CELF5: variants seen among roughly 807,000 people sequenced by gnomAD.
The protein encoded by CELF5 is CUG-BP and ETR-3 like factor 5.
In CELF5, 6 loss-of-function variants were observed where a neutral mutation model predicts 54.9. The ratio of observed to expected loss-of-function variants is 0.11; its 90% confidence interval spans 0.06 to 0.22. The LOEUF is 0.22. Among genes scored for constraint, CELF5 ranks in the 10% least tolerant of loss-of-function variants. CELF5 has a pLI of 1.00. For missense variants in CELF5, 401 were observed against 678.6 expected, an observed-to-expected ratio of 0.59 and a Z score of 4.54; for synonymous variants, 271 against 290.9, an observed-to-expected ratio of 0.93 and a Z score of 0.70.
chr19:3,228,158 G>A lies in CELF5; in HGVS notation c.259+3160G>A, dbSNP rs1470249077. Among the ~76,000 whole-genome samples the A allele has an allele frequency of 6.6e-6, 1 of 151,792 alleles. No individual in the cohort carries two copies. The highest frequency in any genetic ancestry group is 1.5e-5 in the Non-Finnish European group (1 of 67,900). Reference sequence around the variant, plus strand: ...GACACAGAGAGAGAGAGAGAGACACGCAGGGAAAGAGAGACAGAGAGACCC... The same window carrying A: ...GACACAGAGAGAGAGAGAGAGACACACAGGGAAAGAGAGACAGAGAGACCC... On this transcript the variant is annotated intron_variant, in intron 1 of 12. Coordinates refer to ENST00000292672, the MANE Select transcript of CELF5 (RefSeq NM_021938.4). This position sits in a 1 kb window ranked among gnomAD's most constrained non-coding sequence, Gnocchi z 6.0.
At chr19:3,238,937 T>TA (rs1289941356) in intron 1 of CELF5, among the ~76,000 whole-genome samples, 1 of 151,912 alleles carries the variant, frequency 6.6e-6, no homozygotes, top group Non-Finnish European at 1.5e-5. Context: ...AAAATAAAAA[T>TA]AAAAAATAAA....
At chr19:3,270,981 C>T (rs2079953215) in intron 2 of CELF5, among the ~76,000 whole-genome samples, 1 of 151,602 alleles carries the variant, frequency 6.6e-6, no homozygotes, top group Non-Finnish European at 1.5e-5. Flanking sequence ...CGCGGCCGCC[C>T]CTCCCTCCCT....
intron 2 of CELF5, among the ~76,000 whole-genome samples, chr19:3,264,695 C>T (rs1442916611): frequency 1.3e-5 from 2 of 149,372 alleles, no homozygotes; most frequent in African/African-American, 2.5e-5. Flanking sequence ...GGATTACAGG[C>T]GTGAGCCACC....
At chr19:3,258,876 G>T (rs1016597663) in intron 2 of CELF5, among the ~76,000 whole-genome samples, 1 of 152,078 alleles carries the variant, frequency 6.6e-6, no homozygotes, top group African/African-American at 2.4e-5. Context: ...CTCCCAAAGC[G>T]CTGAGATTAC....
chr19:3,278,258 AGTCCCTGGCTGTG>A lies in CELF5; in HGVS notation c.603+157_603+169del. ...GGGGCACAGGTGGAGAAAGAGGCGC[AGTCCCTGGCTGTG>A]GTCCCTGGAGTGGGTATACACGTGT... On this transcript the variant is annotated intron_variant, in intron 5 of 12. Transcript: ENST00000292672. The surrounding 1 kb of genome is among the most constrained non-coding windows in gnomAD (Gnocchi z 4.5). The A allele has an allele frequency of 1.6e-6, 1 of 644,960 alleles. No homozygotes were observed. Among genetic ancestry groups the A allele is most frequent in the East Asian group, 2.7e-5 (1 of 36,438 alleles). The allele number at this position is 644,960 out of a possible 1,614,324, so 40.0% of individuals were successfully genotyped here. A position where few individuals can be genotyped will look rare whatever the true frequency, so the allele number is the denominator to read the frequency against.
chr19:3,226,678 G>A (rs1268859113), intron 1 of CELF5, among the ~76,000 whole-genome samples: 4 of 152,100 alleles, frequency 2.6e-5, no homozygotes, highest in African/African-American at 4.8e-5. Flanking sequence ...CCCCCCAAAC[G>A]GTTGCATTGA....
At chr19:3,264,696 G>A (rs113671738) in intron 2 of CELF5, among the ~76,000 whole-genome samples, 35,101 of 146,334 alleles carry the variant, frequency 0.24, 4,348 homozygotes, top group Middle Eastern at 0.34. Context: ...GATTACAGGC[G>A]TGAGCCACCA....
intron 1 of CELF5, among the ~76,000 whole-genome samples, chr19:3,235,992 A>G (rs1351183102): frequency 1.3e-5 from 2 of 152,178 alleles, no homozygotes; most frequent in East Asian, 3.9e-4. Context: ...CCTGGGCGAG[A>G]GATCTGGGGT....
Position 3,247,571 on chromosome 19 carries a change from A to G in CELF5, c.260-3414A>G, listed in dbSNP as rs1057010357. On this transcript the variant is annotated intron_variant, in intron 1 of 12. Coordinates refer to ENST00000292672, the MANE Select transcript of CELF5 (RefSeq NM_021938.4). Reference sequence around the variant, plus strand: ...GCCACTGCGCCCGGTCTCTCTTTCTATGTCTCGACCCAAGACATAGTGTGA... The same window carrying G: ...GCCACTGCGCCCGGTCTCTCTTTCTGTGTCTCGACCCAAGACATAGTGTGA... 6.7e-5 allele frequency among the ~76,000 whole-genome samples: 10 copies of G among 150,082 alleles called. 1 individual carries two copies. The South Asian group carries it at 1.9e-3, about 29-fold the overall frequency.
chr19:3,242,342 C>T (rs556738429), intron 1 of CELF5, among the ~76,000 whole-genome samples: 41 of 151,224 alleles, frequency 2.7e-4, no homozygotes, highest in Admixed American at 6.6e-4. Flanking sequence ...AAGACTAGCC[C>T]GGCCAACATG....
At chr19:3,230,673 G>T (rs1270500366) in intron 1 of CELF5, among the ~76,000 whole-genome samples, 1 of 152,202 alleles carries the variant, frequency 6.6e-6, no homozygotes, top group East Asian at 1.9e-4. Context: ...TGCATGGGAA[G>T]CGGGCTTCAC....
rs111427441 is a variant in CELF5 at position 3,231,447 on chromosome 19, CGGATGGATGGAT to C, written c.259+6484_259+6495del. Among the ~76,000 whole-genome samples the C allele has an allele frequency of 1.4e-3, 204 of 144,640 alleles. 3 individuals are homozygous for C. In the Middle Eastern group the frequency reaches 0.018, roughly 12 times the overall value. The allele number at this position is 144,640 out of a possible 152,430, so 94.9% of individuals were successfully genotyped here. A position where few individuals can be genotyped will look rare whatever the true frequency, so the allele number is the denominator to read the frequency against. On this transcript the variant is annotated intron_variant, in intron 1 of 12. Coordinates refer to ENST00000292672, the MANE Select transcript of CELF5 (RefSeq NM_021938.4). ...TTGAATGGATTGATGGATGGGTGAA[CGGATGGATGGAT>C]GGATGGATGGATGGATGGATGGATG... is the stretch of plus-strand genomic sequence containing the variant.
intron 2 of CELF5, among the ~76,000 whole-genome samples, chr19:3,257,484 A>AT (rs1568342932): frequency 6.8e-6 from 1 of 146,624 alleles, no homozygotes; most frequent in African/African-American, 2.7e-5. Flanking sequence ...TATTATTATT[A>AT]TTTTTTTTGA....
intron 10 of CELF5, among the ~76,000 whole-genome samples, chr19:3,287,093 A>T (rs570543372): frequency 6.6e-6 from 1 of 152,040 alleles, no homozygotes; most frequent in African/African-American, 2.4e-5. Flanking sequence ...TAACAACCCA[A>T]GTGTTCATCA....
At chr19:3,264,515 ACGC>A (rs2079853505) in intron 2 of CELF5, among the ~76,000 whole-genome samples, 2 of 150,916 alleles carry the variant, frequency 1.3e-5, no homozygotes, top group African/African-American at 4.9e-5. Flanking sequence ...TCCCGGGTTC[ACGC>A]TATTCTCCTG....
At chr19:3,235,749 GATGGATGT>G (rs1917561018) in intron 1 of CELF5, among the ~76,000 whole-genome samples, 1 of 147,790 alleles carries the variant, frequency 6.8e-6, no homozygotes, top group African/African-American at 2.5e-5. Flanking sequence ...TGGATGGATG[GATGGATGT>G]GTGGATGGGT....
At chr19:3,237,575 A>G (rs949207145) in intron 1 of CELF5, among the ~76,000 whole-genome samples, 2 of 152,158 alleles carry the variant, frequency 1.3e-5, no homozygotes, top group South Asian at 4.1e-4. Context: ...TAGCATGCTA[A>G]TGCATTATAA....
At chr19:3,232,656 A>C (rs940161978) in intron 1 of CELF5, among the ~76,000 whole-genome samples, 1 of 151,658 alleles carries the variant, frequency 6.6e-6, no homozygotes, top group Non-Finnish European at 1.5e-5. Flanking sequence ...CAAAATAGTC[A>C]ACAGGCTGGC....
intron 4 of CELF5, 149 bp from the exon 5 acceptor site, chr19:3,277,882 C>T (rs1205836177): frequency 3.8e-5 from 24 of 637,618 alleles, no homozygotes; most frequent in Middle Eastern, 2.5e-4. Flanking sequence ...TCTGAGCAAA[C>T]GGCTGGCTGT....
Sources: allele counts gnomAD v4.1 joint callset (sites outside exome capture counted in the v4.1 genomes callset), GRCh38; gene constraint gnomAD v4.1.1; non-coding constraint Gnocchi (gnomAD v3.1); transcripts MANE v1.5; gene names NCBI Gene and HGNC (gene_info 2026-07-23, HGNC 2026-07-21).